IL1RAPL1: variants seen among roughly 807,000 people sequenced by gnomAD.
The protein encoded by IL1RAPL1 is interleukin 1 receptor accessory protein like 1.
A neutral mutation model predicts 48.4 loss-of-function variants in IL1RAPL1; 3 were observed. The observed-to-expected ratio is 0.06, with a 90% CI of 0.03 to 0.16. IL1RAPL1 has a LOEUF of 0.16. IL1RAPL1 is among the 10% of genes least tolerant of loss of function. IL1RAPL1 has a pLI of 1.00. For missense variants in IL1RAPL1, 349 were observed against 530.6 expected (o/e 0.66, Z 3.36); for synonymous variants, 185 against 187.7 (o/e 0.99, Z 0.12).
At chrX:29,463,452 G>A (rs1934826160) in intron 5 of IL1RAPL1, among the ~76,000 whole-genome samples, 1 of 112,302 alleles carries the variant, frequency 8.9e-6, no homozygotes, top group Non-Finnish European at 1.9e-5. Flanking sequence ...ATGGCCTATT[G>A]TATAGATACT....
intron 1 of IL1RAPL1, among the ~76,000 whole-genome samples, chrX:28,712,591 TGAA>T (rs1569156457): frequency 8.9e-6 from 1 of 111,754 alleles, no homozygotes; most frequent in African/African-American, 3.2e-5. Flanking sequence ...TTGGATGTCT[TGAA>T]GAAGAGTAGT....
intron 2 of IL1RAPL1, among the ~76,000 whole-genome samples, chrX:28,941,195 G>T (rs1180533078): frequency 9.0e-6 from 1 of 110,865 alleles, no homozygotes; most frequent in East Asian, 2.8e-4. Context: ...AAAAGCAAAA[G>T]GATTTATTTT....
chrX:29,726,081 CAAAAG>C (rs1223729552), intron 6 of IL1RAPL1, among the ~76,000 whole-genome samples: 3 of 111,940 alleles, frequency 2.7e-5, no homozygotes, highest in Non-Finnish European at 5.6e-5. Flanking sequence ...TACTTTCAGA[CAAAAG>C]AAAATGTCTC....
chrX:29,347,317 C>T (rs1411915348), intron 3 of IL1RAPL1, among the ~76,000 whole-genome samples: 1 of 110,791 alleles, frequency 9.0e-6, no homozygotes, highest in Non-Finnish European at 1.9e-5. Context: ...CACAATTTCT[C>T]AGATAGAAAA....
intron 6 of IL1RAPL1, among the ~76,000 whole-genome samples, chrX:29,707,557 T>G (rs1399815180): frequency 9.0e-6 from 1 of 111,685 alleles, no homozygotes; most frequent in Admixed American, 9.5e-5. Context: ...AATCAACAAG[T>G]GGATAAAGAA....
intron 6 of IL1RAPL1, among the ~76,000 whole-genome samples, chrX:29,826,993 AT>A (rs1930752210): frequency 8.9e-6 from 1 of 111,798 alleles, no homozygotes; most frequent in Non-Finnish European, 1.9e-5. Context: ...ATGAGTTCCA[AT>A]TTTTCCACAT....
At chrX:28,763,784 T>G (rs2147252473) in intron 1 of IL1RAPL1, among the ~76,000 whole-genome samples, 1 of 110,891 alleles carries the variant, frequency 9.0e-6, no homozygotes, top group African/African-American at 3.3e-5. Context: ...AGATTTTCTT[T>G]TTTTGTATGC....
At chrX:28,725,599 T>G (rs943653374) in intron 1 of IL1RAPL1, among the ~76,000 whole-genome samples, 1 of 112,183 alleles carries the variant, frequency 8.9e-6, no homozygotes, top group African/African-American at 3.2e-5. Flanking sequence ...CTTCATACAA[T>G]TTTAAAACGT....
intron 5 of IL1RAPL1, among the ~76,000 whole-genome samples, chrX:29,449,768 C>G (rs776104751): frequency 7.6e-4 from 56 of 73,667 alleles, no homozygotes; most frequent in African/African-American, 3.6e-3. Flanking sequence ...CACACACACA[C>G]ACACACACAC....
At chrX:29,845,411 A>G (rs1223891755) in intron 6 of IL1RAPL1, among the ~76,000 whole-genome samples, 1 of 110,979 alleles carries the variant, frequency 9.0e-6, no homozygotes, top group Non-Finnish European at 1.9e-5. Context: ...TTTGTGGGCC[A>G]TGGTAAGGAC....
intron 2 of IL1RAPL1, among the ~76,000 whole-genome samples, chrX:28,827,048 A>G (rs1569181238): frequency 9.0e-6 from 1 of 111,569 alleles, no homozygotes; most frequent in African/African-American, 3.2e-5. Flanking sequence ...TTATTTGAAC[A>G]TAGGCAGTTT....
At position 28,608,931 on chromosome X, in the gene IL1RAPL1, GT is replaced by G. The variant is rs917167553; in HGVS notation, c.-25+20892del. ...TTAGCATGATGCAACTTCTATAAAT[GT>G]TTTTTTTCTCCTGTTCTTTAAAGAA... On this transcript the variant is annotated intron_variant, in intron 1 of 10. Coordinates refer to ENST00000378993, the MANE Select transcript of IL1RAPL1 (RefSeq NM_014271.4). Among the ~76,000 whole-genome samples, 107 of 111,567 alleles carry G rather than the reference GT, an allele frequency of 9.6e-4. 1 individual carries two copies. The highest frequency in any genetic ancestry group is 1.8e-3 in the Non-Finnish European group (96 of 53,038).
At chrX:29,235,474 T>A (rs956387467) in intron 2 of IL1RAPL1, among the ~76,000 whole-genome samples, 4 of 111,170 alleles carry the variant, frequency 3.6e-5, no homozygotes, top group African/African-American at 1.3e-4. Flanking sequence ...CTGCTATATT[T>A]AGGTAAGTTA....
intron 2 of IL1RAPL1, among the ~76,000 whole-genome samples, chrX:29,255,336 C>A: frequency 9.1e-6 from 1 of 109,651 alleles, no homozygotes; most frequent in East Asian, 2.9e-4. Flanking sequence ...CTGAATCAGG[C>A]CTCCCCAGAA....
chrX:28,762,819 C>G (rs1222687024), intron 1 of IL1RAPL1, among the ~76,000 whole-genome samples: 194 of 39,249 alleles, frequency 4.9e-3, no homozygotes, highest in African/African-American at 0.015. Flanking sequence ...CACACACACA[C>G]ACACAGAGAG....
intron 2 of IL1RAPL1, among the ~76,000 whole-genome samples, chrX:28,889,387 G>C (rs151246858): frequency 9.0e-6 from 1 of 110,947 alleles, no homozygotes; most frequent in Admixed American, 9.6e-5. Context: ...AGGGAGAAGA[G>C]AATTTATAAT....
chrX:29,879,357 A>ATGTGTG (rs370851302), intron 6 of IL1RAPL1, among the ~76,000 whole-genome samples: 305 of 83,975 alleles, frequency 3.6e-3, no homozygotes, highest in Middle Eastern at 5.7e-3. Context: ...AGTTTTATAT[A>ATGTGTG]TGTGTGTGTG....
At chrX:28,961,036 A>AAAAG (rs1924761309) in intron 2 of IL1RAPL1, among the ~76,000 whole-genome samples, 15 of 106,103 alleles carry the variant, frequency 1.4e-4, no homozygotes, top group Non-Finnish European at 1.9e-4. Context: ...AAAAAAAAAA[A>AAAAG]GTGTGGGTAA....
intron 6 of IL1RAPL1, among the ~76,000 whole-genome samples, chrX:29,861,130 A>G (rs1231067978): frequency 8.9e-6 from 1 of 112,024 alleles, no homozygotes; most frequent in African/African-American, 3.2e-5. Context: ...AGAGTGCAAA[A>G]AATGTATTCC....
Sources: gnomAD v4.1 joint callset for allele counts (sites outside exome capture counted in the v4.1 genomes callset) on GRCh38, gnomAD v4.1.1 for gene constraint, MANE v1.5 for transcripts, NCBI Gene and HGNC (gene_info 2026-07-23, HGNC 2026-07-21) for gene names.